PRDM16: variants seen among roughly 807,000 people sequenced by gnomAD.
The protein encoded by PRDM16 is histone-lysine N-methyltransferase PRDM16.
PRDM16 carries 23 observed loss-of-function variants against 110.6 expected under a neutral mutation model. The observed-to-expected ratio is 0.21, with a 90% CI of 0.15 to 0.29. PRDM16 has a LOEUF of 0.29. PRDM16 is among the 10% of genes least tolerant of loss of function. The probability of loss-of-function intolerance (pLI) is 1.00; values close to 1 mark genes in which losing one functional copy is unlikely to be tolerated. For missense variants in PRDM16, 1,615 were observed against 1,794.3 expected, an observed-to-expected ratio of 0.90 and a Z score of 1.81; for synonymous variants, 799 against 781.8, an observed-to-expected ratio of 1.02 and a Z score of -0.37.
chr1:3,117,271 C>T (rs573959089), intron 1 of PRDM16, among the ~76,000 whole-genome samples: 39 of 152,278 alleles, frequency 2.6e-4, no homozygotes, highest in Admixed American at 1.4e-3. Context: ...AAGTGGGGAC[C>T]GGGAGTGCTG....
intron 16 of PRDM16, among the ~76,000 whole-genome samples, chr1:3,433,218 A>G (rs1638815360): frequency 6.6e-6 from 1 of 152,230 alleles, no homozygotes; most frequent in Admixed American, 6.5e-5. Flanking sequence ...CAGCACCCCA[A>G]TGTCCTGGCA....
intron 1 of PRDM16, among the ~76,000 whole-genome samples, chr1:3,114,127 C>T (rs911100189): frequency 1.2e-4 from 19 of 152,094 alleles, no homozygotes; most frequent in Non-Finnish European, 2.9e-5. Flanking sequence ...AAGACAGCGG[C>T]GTGTATCTCT....
chr1:3,294,776 A>T (rs1641049627), intron 3 of PRDM16, among the ~76,000 whole-genome samples: 1 of 152,206 alleles, frequency 6.6e-6, no homozygotes, highest in Non-Finnish European at 1.5e-5. Context: ...GCTCATAAAG[A>T]ATCAAACACA....
chr1:3,092,764 C>T (rs1479552971), intron 1 of PRDM16, among the ~76,000 whole-genome samples: 8 of 152,086 alleles, frequency 5.3e-5, no homozygotes, highest in Middle Eastern at 3.2e-3. Context: ...TGGGGTCTCC[C>T]GGCAGCTCTA....
At chr1:3,150,516 C>T (rs1643755495) in intron 1 of PRDM16, among the ~76,000 whole-genome samples, 1 of 152,158 alleles carries the variant, frequency 6.6e-6, no homozygotes, top group Non-Finnish European at 1.5e-5. Context: ...CGAAATTGCG[C>T]CACAGCGCTC....
At chr1:3,119,319 C>T (rs112696946) in intron 1 of PRDM16, among the ~76,000 whole-genome samples, 6,795 of 152,350 alleles carry the variant, frequency 0.045, 237 homozygotes, top group Non-Finnish European at 0.07. Flanking sequence ...GCGGGTGACC[C>T]GCTGCAGGCT....
Position 3,358,426 on chromosome 1 carries a change from A to C in PRDM16, c.439-26726A>C, listed in dbSNP as rs1468027301. Among the ~76,000 whole-genome samples the C allele has an allele frequency of 6.6e-6, 1 of 152,102 alleles. No homozygotes were observed. The highest frequency in any genetic ancestry group is 1.5e-5 in the Non-Finnish European group (1 of 68,016). ...GCAAAAGACCTCGGCGGGTACAGAA[A>C]ATCTCCCACAGTGGAGGAGGTGTTG... is the stretch of plus-strand genomic sequence containing the variant. On this transcript the variant is annotated intron_variant, in intron 3 of 16. Transcript: ENST00000270722. This position sits in a 1 kb window ranked among gnomAD's most constrained non-coding sequence, Gnocchi z 4.0.
In PRDM16 at chr1:3,369,353, G is replaced by A. The variant is rs61759200; in HGVS notation, c.439-15799G>A. On this transcript the variant is annotated intron_variant, in intron 3 of 16. Coordinates refer to ENST00000270722, the MANE Select transcript of PRDM16 (RefSeq NM_022114.4). ...GGGAGATGTCTTAAGCAGAGTTCAC[G>A]TCCAAGGGTGGGCTTAGCACACAGC... is the stretch of plus-strand genomic sequence containing the variant. Among the ~76,000 whole-genome samples the A allele has an allele frequency of 7.7e-3, 1,169 of 152,264 alleles. 6 individuals are homozygous for A. Among genetic ancestry groups the A allele is most frequent in the Non-Finnish European group, 0.012 (803 of 68,008 alleles).
intron 3 of PRDM16, among the ~76,000 whole-genome samples, chr1:3,343,883 C>A (rs1169167140): frequency 1.3e-5 from 2 of 152,194 alleles, no homozygotes; most frequent in African/African-American, 2.4e-5. Context: ...CCTTGTGATC[C>A]ACCCACCTCG....
intron 1 of PRDM16, among the ~76,000 whole-genome samples, chr1:3,099,069 C>T (rs1437201055): frequency 2.0e-5 from 3 of 152,210 alleles, no homozygotes; most frequent in Admixed American, 6.5e-5. Flanking sequence ...CGGTGGGGGC[C>T]GTGTGGGAGC....
intron 3 of PRDM16, among the ~76,000 whole-genome samples, chr1:3,286,764 C>T (rs900730441): frequency 6.6e-6 from 1 of 152,208 alleles, no homozygotes; most frequent in Non-Finnish European, 1.5e-5. Context: ...AGGAGACCTG[C>T]AAGCCTCACT....
chr1:3,149,729 G>A (rs1439835016), intron 1 of PRDM16, among the ~76,000 whole-genome samples: 3 of 152,218 alleles, frequency 2.0e-5, no homozygotes, highest in Admixed American at 6.5e-5. Context: ...AAGGAGCACC[G>A]GCCAGTTCCC....
At chr1:3,149,089 C>T (rs1300104139) in intron 1 of PRDM16, among the ~76,000 whole-genome samples, 2 of 152,154 alleles carry the variant, frequency 1.3e-5, no homozygotes, top group Non-Finnish European at 2.9e-5. Context: ...ATTGCAAGGG[C>T]ACTGGCAAGC....
chr1:3,307,361 G>A (rs565725306), intron 3 of PRDM16: 1 of 152,088 alleles, frequency 6.6e-6, no homozygotes, highest in African/African-American at 2.4e-5. Context: ...GCTGTGTTTT[G>A]GTCTCCTTCG....
chr1:3,164,401 G>A (rs909337455), intron 1 of PRDM16, among the ~76,000 whole-genome samples: 9 of 152,226 alleles, frequency 5.9e-5, no homozygotes, highest in African/African-American at 1.2e-4. Flanking sequence ...TTCTGGGAAC[G>A]ATTTCCCAGC....
chr1:3,176,301 T>TCCAC (rs1644088693), intron 1 of PRDM16, among the ~76,000 whole-genome samples: 1 of 148,768 alleles, frequency 6.7e-6, no homozygotes, highest in South Asian at 2.1e-4. Flanking sequence ...TATCCATCTG[T>TCCAC]CCATACATCC....
At chr1:3,221,591 G>T (rs747372844) in intron 2 of PRDM16, among the ~76,000 whole-genome samples, 1 of 152,208 alleles carries the variant, frequency 6.6e-6, no homozygotes, top group Non-Finnish European at 1.5e-5. Flanking sequence ...CATGCACTGC[G>T]CTTGCTTGGA....
intron 1 of PRDM16, among the ~76,000 whole-genome samples, chr1:3,180,813 C>A (rs965485503): frequency 6.7e-6 from 1 of 148,588 alleles, no homozygotes; most frequent in Non-Finnish European, 1.5e-5. Context: ...CCCTGGACAC[C>A]TTTTCAGGTT....
chr1:3,185,295 C>T (rs186326217), intron 1 of PRDM16, among the ~76,000 whole-genome samples: 1 of 152,274 alleles, frequency 6.6e-6, no homozygotes, highest in East Asian at 1.9e-4. Context: ...AAACTGGGCA[C>T]TCTCTCATTG....
Sources: allele counts gnomAD v4.1 joint callset (sites outside exome capture counted in the v4.1 genomes callset), GRCh38; gene constraint gnomAD v4.1.1; non-coding constraint Gnocchi (gnomAD v3.1); transcripts MANE v1.5; gene names NCBI Gene and HGNC (gene_info 2026-07-23, HGNC 2026-07-21).